Variants in CNTNAP4 observed in about 807,000 individuals in gnomAD.
The protein encoded by CNTNAP4 is contactin associated protein family member 4, also known as contactin-associated protein-like 4.
In CNTNAP4, 98 loss-of-function variants were observed where a neutral mutation model predicts 148.4. The ratio of observed to expected loss-of-function variants is 0.66; its 90% CI spans 0.56 to 0.78. The LOEUF is 0.78. CNTNAP4 is among the 30% of genes least tolerant of loss of function. The probability of loss-of-function intolerance (pLI) is 0.00; values close to 1 mark genes in which losing one functional copy is unlikely to be tolerated. For synonymous variants in CNTNAP4, 730 were observed against 565.1 expected (o/e 1.29, Z -4.14); for missense variants, 1,935 against 1,565.6 (o/e 1.24, Z -3.98).
intron 3 of CNTNAP4, among the ~76,000 whole-genome samples, chr16:76,370,318 A>C (rs1024534780): frequency 3.3e-5 from 5 of 152,048 alleles, no homozygotes; most frequent in Admixed American, 6.5e-5. Context: ...TTCTGGTTCT[A>C]AATTGTCCTC....
intron 8 of CNTNAP4, among the ~76,000 whole-genome samples, chr16:76,455,207 C>A (rs144700195): frequency 2.6e-4 from 39 of 152,204 alleles, no homozygotes; most frequent in African/African-American, 8.9e-4. Flanking sequence ...AATCAATGAG[C>A]AGTACAGTTT....
chr16:76,437,720 A>G (rs749942507), intron 4 of CNTNAP4, among the ~76,000 whole-genome samples: 6 of 152,138 alleles, frequency 3.9e-5, no homozygotes, highest in Non-Finnish European at 5.9e-5. Context: ...TTGAACCTCC[A>G]GGTAACCAGA....
chr16:76,316,351 T>G (rs1434929508), intron 1 of CNTNAP4, 62 bp from the exon 2 acceptor site: 4 of 1,045,166 alleles, frequency 3.8e-6, no homozygotes, highest in Non-Finnish European at 6.0e-6. Flanking sequence ...TTGTTTTGTC[T>G]ATTGATTCCA....
At chr16:76,459,067 G>C in intron 8 of CNTNAP4, among the ~76,000 whole-genome samples, 1 of 152,150 alleles carries the variant, frequency 6.6e-6, no homozygotes, top group East Asian at 1.9e-4. Flanking sequence ...GAGAAGAACT[G>C]TTGGACACCA....
At chr16:76,459,773 G>A (rs1010895300) in intron 8 of CNTNAP4, among the ~76,000 whole-genome samples, 4 of 152,132 alleles carry the variant, frequency 2.6e-5, no homozygotes, top group Admixed American at 1.3e-4. Flanking sequence ...TATTCAAATG[G>A]ATGTAAACCT....
intron 4 of CNTNAP4, among the ~76,000 whole-genome samples, chr16:76,442,558 CT>C (rs2080086285): frequency 6.6e-6 from 1 of 152,062 alleles, no homozygotes; most frequent in Admixed American, 6.6e-5. Flanking sequence ...CTGGTGAGGG[CT>C]TTTGCAGGGT....
intron 3 of CNTNAP4, among the ~76,000 whole-genome samples, chr16:76,356,905 T>C (rs2012723901): frequency 6.6e-6 from 1 of 152,082 alleles, no homozygotes; most frequent in African/African-American, 2.4e-5. Flanking sequence ...TGATGTAAAT[T>C]GAATTGAGAG....
intron 17 of CNTNAP4, among the ~76,000 whole-genome samples, chr16:76,532,189 A>C (rs2084012286): frequency 6.6e-6 from 1 of 152,226 alleles, no homozygotes; most frequent in African/African-American, 2.4e-5. Flanking sequence ...AGTGTTGTTC[A>C]ATCCAAAGAT....
intron 3 of CNTNAP4, among the ~76,000 whole-genome samples, chr16:76,368,434 A>G (rs2014410906): frequency 6.6e-6 from 1 of 152,210 alleles, no homozygotes; most frequent in Admixed American, 6.5e-5. Flanking sequence ...CCAAATGCCC[A>G]TCAATCATAG....
chr16:76,334,367 C>T (rs1032994193), intron 2 of CNTNAP4, among the ~76,000 whole-genome samples: 3 of 152,004 alleles, frequency 2.0e-5, no homozygotes, highest in Non-Finnish European at 2.9e-5. Context: ...TGTTGGGGCA[C>T]CACTTAGCCA....
intron 9 of CNTNAP4, among the ~76,000 whole-genome samples, chr16:76,464,277 T>A (rs1325148904): frequency 1.3e-5 from 2 of 152,140 alleles, no homozygotes; most frequent in African/African-American, 4.8e-5. Context: ...TTGTGAGGCC[T>A]TTTGGTACCA....
At chr16:76,309,902 G>A in intron 1 of CNTNAP4, 2 of 701,946 alleles carry the variant, frequency 2.8e-6, no homozygotes, top group Middle Eastern at 2.4e-4. Flanking sequence ...CAGCTATGTG[G>A]AACTGTGAGT....
chr16:76,506,438 CT>C (rs2082837864), intron 15 of CNTNAP4, among the ~76,000 whole-genome samples: 1 of 80,282 alleles, frequency 1.2e-5, no homozygotes, highest in African/African-American at 2.9e-5. Flanking sequence ...CTTCCCTTCC[CT>C]TCCCTTCTTC....
At chr16:76,463,863 T>C (rs2081076684) in intron 9 of CNTNAP4, among the ~76,000 whole-genome samples, 1 of 152,198 alleles carries the variant, frequency 6.6e-6, no homozygotes, top group Non-Finnish European at 1.5e-5. Context: ...AAATAATATA[T>C]TGTAAGAACT....
At chr16:76,464,411 C>T (rs1315409987) in intron 9 of CNTNAP4, among the ~76,000 whole-genome samples, 1 of 152,132 alleles carries the variant, frequency 6.6e-6, no homozygotes, top group Non-Finnish European at 1.5e-5. Flanking sequence ...GAACGACCTT[C>T]ATCCTGGGAA....
intron 3 of CNTNAP4, among the ~76,000 whole-genome samples, chr16:76,422,466 C>A (rs2079225459): frequency 6.6e-6 from 1 of 152,060 alleles, no homozygotes; most frequent in South Asian, 2.1e-4. Context: ...TCAACAATAA[C>A]CTAAGTTGCA....
At chr16:76,348,119 C>G (rs189618932) in intron 2 of CNTNAP4, among the ~76,000 whole-genome samples, 1 of 151,332 alleles carries the variant, frequency 6.6e-6, no homozygotes, top group East Asian at 1.9e-4. Context: ...AATAATAAAG[C>G]AGCACCAACA....
intron 1 of CNTNAP4, among the ~76,000 whole-genome samples, chr16:76,314,704 C>T (rs563503911): frequency 6.6e-6 from 1 of 152,122 alleles, no homozygotes; most frequent in Non-Finnish European, 1.5e-5. Flanking sequence ...AGGAATACCT[C>T]ACTTTCTGGG....
chr16:76,280,624 AT>A (rs1251785933), intron 1 of CNTNAP4, among the ~76,000 whole-genome samples: 1 of 151,908 alleles, frequency 6.6e-6, no homozygotes, highest in African/African-American at 2.4e-5. Flanking sequence ...ACTAGCCATA[AT>A]TTTTTTCTCT....
Sources: allele counts gnomAD v4.1 joint callset (sites outside exome capture counted in the v4.1 genomes callset), GRCh38; gene constraint gnomAD v4.1.1; transcripts MANE v1.5; gene names NCBI Gene and HGNC (gene_info 2026-07-23, HGNC 2026-07-21).